MALRD1: variants seen among roughly 807,000 people sequenced by gnomAD.
MALRD1 encodes MAM and LDL-receptor class A domain-containing protein 1.
A neutral mutation model predicts 242.1 loss-of-function variants in MALRD1; 247 were observed. The ratio of observed to expected loss-of-function variants is 1.02; its 90% CI spans 0.92 to 1.13. The LOEUF (loss-of-function observed/expected upper bound fraction) is 1.13, where lower values mean the gene tolerates loss of function less well. MALRD1 is among the 50% of genes most tolerant of loss of function. The pLI is 0.00. For synonymous variants in MALRD1, 995 were observed against 866.6 expected (o/e 1.15, Z -2.60); for missense variants, 2,989 against 2,533.1 (o/e 1.18, Z -3.86).
chr10:19,628,231 C>T (rs1009485620), intron 36 of MALRD1, among the ~76,000 whole-genome samples: 1 of 152,086 alleles, frequency 6.6e-6, no homozygotes, highest in African/African-American at 2.4e-5. Context: ...AAAAATACAA[C>T]TTTTGGAAAA....
chr10:19,546,243 A>C (rs551250165), intron 32 of MALRD1, among the ~76,000 whole-genome samples: 1 of 152,342 alleles, frequency 6.6e-6, no homozygotes, highest in East Asian at 1.9e-4. Flanking sequence ...CTAACAGTGA[A>C]TATGCATTCT....
intron 21 of MALRD1, among the ~76,000 whole-genome samples, chr10:19,303,409 A>G (rs1450698501): frequency 6.6e-6 from 1 of 151,754 alleles, no homozygotes; most frequent in Non-Finnish European, 1.5e-5. Context: ...GTGATCAGAA[A>G]TCACAGATAT....
chr10:19,678,591 G>GAT (rs1244782870), intron 36 of MALRD1, among the ~76,000 whole-genome samples: 3 of 151,888 alleles, frequency 2.0e-5, no homozygotes, highest in African/African-American at 7.2e-5. Flanking sequence ...GGGTTTTATA[G>GAT]ATATAGGATT....
chr10:19,605,426 C>T (rs902001881), intron 34 of MALRD1, among the ~76,000 whole-genome samples: 1 of 151,274 alleles, frequency 6.6e-6, no homozygotes, highest in Non-Finnish European at 1.5e-5. Flanking sequence ...CCTCGGCATT[C>T]CAAAGTGCTG....
At chr10:19,285,503 C>A (rs377436791) in intron 21 of MALRD1, among the ~76,000 whole-genome samples, 15 of 151,888 alleles carry the variant, frequency 9.9e-5, no homozygotes, top group South Asian at 2.1e-4. Flanking sequence ...CATTTATTAA[C>A]TAGGGAATCC....
intron 18 of MALRD1, among the ~76,000 whole-genome samples, chr10:19,238,574 A>C (rs150339699): frequency 9.2e-6 from 1 of 108,278 alleles, no homozygotes; most frequent in Non-Finnish European, 1.8e-5. Flanking sequence ...TAATATACAT[A>C]ATGTATATTA....
In MALRD1 at chr10:19,241,555, T is replaced by C. The variant is rs191932423; in HGVS notation, c.2992-16129T>C. ...TTTTTTAGTGTCTGTTTCATTTATA[T>C]CTGCTGTGAGCTTTATTATTTCCTT... On this transcript the variant is annotated intron_variant, in intron 18 of 39. Transcript: ENST00000454679. 4.5e-4 allele frequency among the ~76,000 whole-genome samples: 69 copies of C among 152,290 alleles called. 1 individual carries two copies. The South Asian group carries it at 0.011, about 25-fold the overall frequency.
chr10:19,211,684 C>CAAAAAAAAA (rs71387056), intron 18 of MALRD1, among the ~76,000 whole-genome samples: 1 of 67,324 alleles, frequency 1.5e-5, no homozygotes, highest in African/African-American at 6.2e-5. Context: ...TGACTCCTCA[C>CAAAAAAAAA]AAAAAAAAAA....
At chr10:19,629,407 G>A (rs900929027) in intron 36 of MALRD1, among the ~76,000 whole-genome samples, 1 of 152,078 alleles carries the variant, frequency 6.6e-6, no homozygotes, top group African/African-American at 2.4e-5. Flanking sequence ...TTATTTGTGA[G>A]GCAGTATCTA....
At chr10:19,175,481 T>G (rs1022975649) in intron 14 of MALRD1, among the ~76,000 whole-genome samples, 153 bp downstream of exon 14, 6 of 149,218 alleles carry the variant, frequency 4.0e-5, no homozygotes, top group African/African-American at 1.5e-4. Flanking sequence ...TATATATATA[T>G]ATTTTAAAAG....
chr10:19,325,006 C>CTTTTTTTTTTTTTTTTTTTTT (rs34290618), intron 22 of MALRD1, among the ~76,000 whole-genome samples: 3 of 77,948 alleles, frequency 3.8e-5, no homozygotes, highest in African/African-American at 5.2e-5. Context: ...TCAGTAGTTG[C>CTTTTTTTTTTTTTTTTTTTTT]TTTTTTTTTT....
intron 18 of MALRD1, among the ~76,000 whole-genome samples, chr10:19,237,186 T>C (rs1272459785): frequency 6.6e-6 from 1 of 151,880 alleles, no homozygotes; most frequent in African/African-American, 2.4e-5. Flanking sequence ...TACAATACTT[T>C]ACTTTTAACT....
intron 34 of MALRD1, among the ~76,000 whole-genome samples, chr10:19,603,557 C>T (rs527475767): frequency 6.6e-6 from 1 of 152,074 alleles, no homozygotes; most frequent in East Asian, 1.9e-4. Flanking sequence ...GTCTATATCT[C>T]TGTTTTGGTA....
intron 33 of MALRD1, among the ~76,000 whole-genome samples, chr10:19,585,525 C>T (rs532500766): frequency 1.3e-5 from 2 of 151,950 alleles, no homozygotes; most frequent in Non-Finnish European, 2.9e-5. Context: ...GTTGAAAATT[C>T]TTTTCTTTAA....
intron 32 of MALRD1, among the ~76,000 whole-genome samples, chr10:19,532,466 G>A (rs759739931): frequency 6.6e-6 from 1 of 152,102 alleles, no homozygotes. Context: ...ATGTTGGCCA[G>A]GCTGGTCTCA....
chr10:19,226,786 A>G (rs557107709), intron 18 of MALRD1, among the ~76,000 whole-genome samples: 49 of 152,230 alleles, frequency 3.2e-4, no homozygotes, highest in African/African-American at 1.1e-3. Flanking sequence ...AGGCATCTGC[A>G]GAAGTGTGCT....
chr10:19,539,897 T>TGTGCGCGCGC (rs1365113182), intron 32 of MALRD1, among the ~76,000 whole-genome samples: 1 of 44,416 alleles, frequency 2.3e-5, no homozygotes, highest in South Asian at 7.7e-4. Context: ...TGTGTGTGTG[T>TGTGCGCGCGC]GCGCGCGCGC....
intron 18 of MALRD1, among the ~76,000 whole-genome samples, chr10:19,211,217 A>C (rs540310241): frequency 6.6e-6 from 1 of 152,268 alleles, no homozygotes; most frequent in East Asian, 1.9e-4. Context: ...ACCAAGGAAC[A>C]CTTTCGTCAT....
intron 35 of MALRD1, among the ~76,000 whole-genome samples, chr10:19,611,640 G>A (rs958263654): frequency 3.3e-5 from 5 of 151,932 alleles, no homozygotes; most frequent in Non-Finnish European, 7.4e-5. Flanking sequence ...CCCATATTGG[G>A]AATTATATCT....
Sources: allele counts gnomAD v4.1 joint callset (sites outside exome capture counted in the v4.1 genomes callset), GRCh38; gene constraint gnomAD v4.1.1; transcripts MANE v1.5; gene names NCBI Gene and HGNC (gene_info 2026-07-23, HGNC 2026-07-21).